Variants in CHRNB3 observed in about 807,000 individuals in gnomAD.
The protein encoded by CHRNB3 is neuronal acetylcholine receptor subunit beta-3.
Under a neutral mutation model 40.6 loss-of-function variants are expected in CHRNB3, and 37 were observed. That is an observed-to-expected ratio of 0.91 (90% CI 0.70 to 1.20). CHRNB3 has a LOEUF of 1.20. Among genes scored for constraint, CHRNB3 ranks in the 50% most tolerant of loss-of-function variants. The probability of loss-of-function intolerance (pLI) is 0.00; values close to 1 mark genes in which losing one functional copy is unlikely to be tolerated. For missense variants in CHRNB3, 505 were observed against 551.2 expected, an observed-to-expected ratio of 0.92 and a Z score of 0.84; for synonymous variants, 207 against 207.1, an observed-to-expected ratio of 1.00 and a Z score of 0.00.
chr8:42,710,963 G>C (rs560758320), intron 3 of CHRNB3, among the ~76,000 whole-genome samples: 4 of 152,262 alleles, frequency 2.6e-5, no homozygotes, highest in South Asian at 2.1e-4. Flanking sequence ...TGATGAATAC[G>C]TGTTTTCCTG....
At chr8:42,713,018 T>A (rs556842227) in intron 3 of CHRNB3, among the ~76,000 whole-genome samples, 1 of 151,976 alleles carries the variant, frequency 6.6e-6, no homozygotes, top group East Asian at 1.9e-4. Flanking sequence ...CGTGCCACCA[T>A]ACCTGGCTAA....
intron 3 of CHRNB3, chr8:42,726,164 G>T: frequency 7.5e-7 from 1 of 1,329,516 alleles, no homozygotes; most frequent in Non-Finnish European, 1.1e-6. Context: ...GGCTTGATAA[G>T]CTGTCCTCAT....
Position 42,703,439 on chromosome 8 carries a change from T to A in CHRNB3, c.53-5278T>A, listed in dbSNP as rs1413583218. Among the ~76,000 whole-genome samples the A allele has an allele frequency of 2.1e-3, 45 of 21,510 alleles. 1 individual carries two copies. The highest frequency in any genetic ancestry group is 4.3e-3 in the East Asian group (2 of 470). The allele number at this position is 21,510 out of a possible 152,430, so 14.1% of individuals were successfully genotyped here. On this transcript the variant is annotated intron_variant, in intron 1 of 5. Transcript: ENST00000289957. ...ACTTCGTCTAAAAAAAAAAAAAATA[T>A]TTATATATATATATATATATATGTA...
At chr8:42,726,749 C>A (rs1297464213) in intron 3 of CHRNB3, among the ~76,000 whole-genome samples, 3 of 152,078 alleles carry the variant, frequency 2.0e-5, no homozygotes, top group Non-Finnish European at 4.4e-5. Context: ...CTTGGCCTGC[C>A]AAAGTGCTGG....
chr8:42,700,602 G>T (rs1167575988), intron 1 of CHRNB3, among the ~76,000 whole-genome samples: 1 of 152,208 alleles, frequency 6.6e-6, no homozygotes, highest in Non-Finnish European at 1.5e-5. Context: ...TTACAGGCAT[G>T]AGCCACCATG....
chr8:42,717,812 T>A (rs1278907595), intron 3 of CHRNB3, among the ~76,000 whole-genome samples: 3 of 151,018 alleles, frequency 2.0e-5, no homozygotes, highest in African/African-American at 7.3e-5. Flanking sequence ...CTTTGAGCTT[T>A]CTCATCCTTT....
chr8:42,715,583 A>G (rs1816085010), intron 3 of CHRNB3, among the ~76,000 whole-genome samples: 1 of 152,164 alleles, frequency 6.6e-6, no homozygotes, highest in South Asian at 2.1e-4. Context: ...ATGGTAGCGC[A>G]TGCAAATGAG....
At chr8:42,732,843 A>G (rs1383652358) in intron 5 of CHRNB3, among the ~76,000 whole-genome samples, 1 of 152,198 alleles carries the variant, frequency 6.6e-6, no homozygotes, top group Non-Finnish European at 1.5e-5. Flanking sequence ...TCAATTACAC[A>G]TTTTAAGTTG....
chr8:42,701,245 AGAAT>A (rs1432008501), intron 1 of CHRNB3, among the ~76,000 whole-genome samples: 1 of 139,928 alleles, frequency 7.1e-6, no homozygotes, highest in East Asian at 2.0e-4. Context: ...AAAAAAAAAA[AGAAT>A]AAAGAGACCA....
At chr8:42,722,219 C>G (rs1480441088) in intron 3 of CHRNB3, among the ~76,000 whole-genome samples, 1 of 151,972 alleles carries the variant, frequency 6.6e-6, no homozygotes, top group Non-Finnish European at 1.5e-5. Context: ...ACTAAAAATA[C>G]AAAAATTAGC....
chr8:42,736,117 C>A (rs1440456706), intron 5 of CHRNB3, among the ~76,000 whole-genome samples: 2 of 152,124 alleles, frequency 1.3e-5, no homozygotes, highest in Non-Finnish European at 2.9e-5. Context: ...CCCCCACCCC[C>A]AGGCCTCCCA....
chr8:42,717,720 G>C (rs1390657947), intron 3 of CHRNB3, among the ~76,000 whole-genome samples: 1 of 151,408 alleles, frequency 6.6e-6, no homozygotes, highest in South Asian at 2.1e-4. Flanking sequence ...CTGATGCCTA[G>C]CTCACAGTGT....
chr8:42,713,727 T>G (rs975338071), intron 3 of CHRNB3, among the ~76,000 whole-genome samples: 1 of 152,202 alleles, frequency 6.6e-6, no homozygotes, highest in African/African-American at 2.4e-5. Context: ...ATACTTTAAT[T>G]GTGTTTAATT....
At position 42,736,598 on chromosome 8, in the gene CHRNB3, T is replaced by C. The variant is rs377465106; in HGVS notation, c.1357T>C (p.Trp453Arg). The change falls in exon 6 of 6, where the codon TGG (tryptophan) becomes CGG (arginine). Residue 453 changes from tryptophan to arginine, a missense_variant. By Grantham distance (101) the Trp-to-Arg change is moderately radical (BLOSUM62 -3). Transcript: ENST00000289957. ...VLIFTPALKM[W>R]LHSYH The stretch of plus-strand genomic sequence containing the variant: ...GATTTTTACCCCTGCTTTGAAGATG[T>C]GGCTACATAGTTACCATTAGGAATT... 6 of 1,614,110 alleles carry C rather than the reference T, an allele frequency of 3.7e-6. No homozygotes were observed. Among genetic ancestry groups the C allele is most frequent in the Non-Finnish European group, 5.1e-6 (6 of 1,180,044 alleles).
At chr8:42,731,295 C>T (rs1474661731) in intron 4 of CHRNB3, among the ~76,000 whole-genome samples, 1 of 152,062 alleles carries the variant, frequency 6.6e-6, no homozygotes, top group Admixed American at 6.6e-5. Context: ...GTGGCTCATG[C>T]CTGTAATCCC....
intron 3 of CHRNB3, among the ~76,000 whole-genome samples, chr8:42,724,545 AG>A: frequency 6.6e-6 from 1 of 152,294 alleles, no homozygotes; most frequent in Non-Finnish European, 1.5e-5. Flanking sequence ...CGACTGCTAC[AG>A]GAGTCTTAGG....
intron 4 of CHRNB3, among the ~76,000 whole-genome samples, chr8:42,731,104 GAAAA>G (rs1816410220): frequency 6.6e-6 from 1 of 151,322 alleles, no homozygotes. Context: ...AATAAAAAGT[GAAAA>G]AAAGGAAAGT....
intron 3 of CHRNB3, among the ~76,000 whole-genome samples, chr8:42,724,356 C>T (rs938832842): frequency 5.9e-5 from 9 of 152,138 alleles, no homozygotes; most frequent in African/African-American, 2.2e-4. Context: ...AGTTCAAGAA[C>T]AAGGCAAGGA....
chr8:42,719,135 T>C (rs1464619877), intron 3 of CHRNB3, among the ~76,000 whole-genome samples: 1 of 152,140 alleles, frequency 6.6e-6, no homozygotes, highest in Non-Finnish European at 1.5e-5. Context: ...AGGAGCTTAA[T>C]CCCCAGATGC....
Sources: gnomAD v4.1 joint callset for allele counts (sites outside exome capture counted in the v4.1 genomes callset) on GRCh38, gnomAD v4.1.1 for gene constraint, MANE v1.5 for transcripts, NCBI Gene and HGNC (gene_info 2026-07-23, HGNC 2026-07-21) for gene names.